The following CCSER1 variants were observed in gnomAD, a reference collection of about 807,000 sequenced individuals.
The protein encoded by CCSER1 is serine-rich coiled-coil domain-containing protein 1.
CCSER1 carries 41 observed loss-of-function variants against 82.0 expected under a neutral mutation model. That is an observed-to-expected ratio of 0.50 (90% CI 0.39 to 0.65). The LOEUF (loss-of-function observed/expected upper bound fraction) is 0.65, where lower values mean the gene tolerates loss of function less well. Ranked by LOEUF, CCSER1 falls within the 30% of genes least tolerant of loss-of-function variation. The probability of loss-of-function intolerance (pLI) is 0.00; values close to 1 mark genes in which losing one functional copy is unlikely to be tolerated. For synonymous variants in CCSER1, 414 were observed against 383.9 expected, an observed-to-expected ratio of 1.08 and a Z score of -0.92; for missense variants, 1,119 against 1,064.2, an observed-to-expected ratio of 1.05 and a Z score of -0.72.
chr4:90,320,728 T>C (rs908469472), intron 3 of CCSER1, among the ~76,000 whole-genome samples: 3 of 152,158 alleles, frequency 2.0e-5, no homozygotes, highest in Non-Finnish European at 4.4e-5. Flanking sequence ...AATAAAAATA[T>C]TCCATTCATT....
At chr4:90,509,137 CAT>C (rs1295046341) in intron 5 of CCSER1, among the ~76,000 whole-genome samples, 1 of 151,994 alleles carries the variant, frequency 6.6e-6, no homozygotes, top group Non-Finnish European at 1.5e-5. Context: ...TGTATTTTCA[CAT>C]ATGTGTGTCA....
At chr4:90,456,936 T>C (rs1292367173) in intron 4 of CCSER1, among the ~76,000 whole-genome samples, 1 of 152,184 alleles carries the variant, frequency 6.6e-6, no homozygotes, top group Non-Finnish European at 1.5e-5. Context: ...TCAGGACCAC[T>C]GGACTTGATT....
intron 6 of CCSER1, among the ~76,000 whole-genome samples, chr4:90,663,204 C>T (rs1275690143): frequency 6.6e-6 from 1 of 152,088 alleles, no homozygotes; most frequent in Non-Finnish European, 1.5e-5. Context: ...TTGTGTTAAT[C>T]CACACTTGGA....
chr4:90,803,195 T>G (rs1757047279), intron 7 of CCSER1, among the ~76,000 whole-genome samples: 1 of 151,170 alleles, frequency 6.6e-6, no homozygotes, highest in Non-Finnish European at 1.5e-5. Flanking sequence ...GTTTTTTATT[T>G]GCATTTTTTA....
At chr4:91,236,631 T>C (rs114460062) in intron 10 of CCSER1, among the ~76,000 whole-genome samples, 2,422 of 152,342 alleles carry the variant, frequency 0.016, 56 homozygotes, top group African/African-American at 0.054. Flanking sequence ...TTAATATCTA[T>C]TTGTATGATC....
At chr4:91,480,235 T>C (rs963628565) in intron 10 of CCSER1, among the ~76,000 whole-genome samples, 1 of 152,292 alleles carries the variant, frequency 6.6e-6, no homozygotes, top group African/African-American at 2.4e-5. Flanking sequence ...CAGCATGATT[T>C]ATAGTCCTTT....
intron 10 of CCSER1, among the ~76,000 whole-genome samples, chr4:91,092,281 G>A (rs34123355): frequency 0.46 from 70,440 of 151,888 alleles, 16,564 homozygotes; most frequent in South Asian, 0.65. Context: ...GAGCCAATCC[G>A]TAGAGGCAGT....
intron 10 of CCSER1, among the ~76,000 whole-genome samples, chr4:91,200,766 T>C (rs139059179): frequency 4.1e-4 from 63 of 152,130 alleles, no homozygotes; most frequent in African/African-American, 1.4e-3. Context: ...AAAGCCTCTA[T>C]ATAGATGTTA....
In CCSER1 at chr4:90,391,465, TATATATATATATATATATATAC is replaced by T. The variant is rs1312008536; in HGVS notation, c.1510-8569_1510-8548del. 1.4e-3 allele frequency among the ~76,000 whole-genome samples: 123 copies of T among 90,380 alleles called. 4 individuals carry two copies. Among genetic ancestry groups the T allele is most frequent in the African/African-American group, 7.3e-3 (120 of 16,504 alleles). The allele number at this position is 90,380 out of a possible 152,430, so 59.3% of individuals were successfully genotyped here. A position where few individuals can be genotyped will look rare whatever the true frequency, so the allele number is the denominator to read the frequency against. ...GGGGGTATATATATATATATATATA[TATATATATATATATATATATAC>T]ACACACACAGTGGGTAAATATATAT... On this transcript the variant is annotated intron_variant, in intron 3 of 10. Coordinates refer to ENST00000509176, the MANE Select transcript of CCSER1 (RefSeq NM_001145065.2).
intron 7 of CCSER1, among the ~76,000 whole-genome samples, chr4:90,788,059 C>G (rs1343553561): frequency 3.9e-5 from 6 of 151,952 alleles, no homozygotes; most frequent in Non-Finnish European, 7.4e-5. Context: ...AATAAAAAAC[C>G]TATTACTATT....
At chr4:91,065,171 G>A (rs1480234778) in intron 9 of CCSER1, among the ~76,000 whole-genome samples, 1 of 152,104 alleles carries the variant, frequency 6.6e-6, no homozygotes, top group Admixed American at 6.5e-5. Context: ...TAAGGAAAGA[G>A]AATGTGAGTT....
chr4:90,394,478 T>C (rs1751676274), intron 3 of CCSER1, among the ~76,000 whole-genome samples: 2 of 152,172 alleles, frequency 1.3e-5, no homozygotes, highest in South Asian at 4.1e-4. Context: ...CTTCATAACA[T>C]TGTGTTTGGT....
intron 1 of CCSER1, among the ~76,000 whole-genome samples, chr4:90,251,616 G>A (rs927671802): frequency 2.0e-5 from 3 of 151,696 alleles, no homozygotes; most frequent in South Asian, 2.1e-4. Context: ...GTTGCTGGAT[G>A]TTTGCTAGTA....
chr4:90,788,098 T>C (rs1054704869), intron 7 of CCSER1, among the ~76,000 whole-genome samples: 12 of 152,198 alleles, frequency 7.9e-5, no homozygotes, highest in Admixed American at 7.9e-4. Flanking sequence ...AGCCCATCAA[T>C]TTCTAATATT....
chr4:90,312,316 TG>T (rs1201952320), intron 2 of CCSER1, among the ~76,000 whole-genome samples: 1 of 152,072 alleles, frequency 6.6e-6, no homozygotes, highest in African/African-American at 2.4e-5. Flanking sequence ...CTCCTGTCCC[TG>T]GTTTGGGGAC....
chr4:90,291,475 A>G, intron 1 of CCSER1, among the ~76,000 whole-genome samples: 1 of 152,012 alleles, frequency 6.6e-6, no homozygotes, highest in Non-Finnish European at 1.5e-5. Context: ...CATAAACACA[A>G]GTCCTTTTCT....
chr4:91,152,288 G>A (rs1376621516), intron 10 of CCSER1, among the ~76,000 whole-genome samples: 1 of 152,050 alleles, frequency 6.6e-6, no homozygotes, highest in South Asian at 2.1e-4. Context: ...TAGAGACTAG[G>A]ATTGCAACCC....
intron 4 of CCSER1, among the ~76,000 whole-genome samples, chr4:90,433,179 C>T (rs1758540068): frequency 6.6e-6 from 1 of 152,068 alleles, no homozygotes; most frequent in South Asian, 2.1e-4. Flanking sequence ...AAACCAAACT[C>T]CTGATTTTTG....
chr4:90,933,632 T>G (rs1485650344), intron 9 of CCSER1, among the ~76,000 whole-genome samples: 1 of 152,010 alleles, frequency 6.6e-6, no homozygotes, highest in African/African-American at 2.4e-5. Flanking sequence ...TTTATGTAAT[T>G]CATAAAAATG....
Sources: gnomAD v4.1 joint callset for allele counts (sites outside exome capture counted in the v4.1 genomes callset) on GRCh38, gnomAD v4.1.1 for gene constraint, MANE v1.5 for transcripts, NCBI Gene and HGNC (gene_info 2026-07-23, HGNC 2026-07-21) for gene names.